The following ZFAT variants were observed in gnomAD, a reference collection of about 807,000 sequenced individuals.
ZFAT encodes zinc finger and AT-hook domain containing, also known as zinc finger protein ZFAT.
A neutral mutation model predicts 117.7 loss-of-function variants in ZFAT; 64 were observed. The ratio of observed to expected loss-of-function variants is 0.54; its 90% CI spans 0.44 to 0.67. The LOEUF is 0.67. ZFAT is among the 30% of genes least tolerant of loss of function. ZFAT has a pLI of 0.00. For synonymous variants in ZFAT, 679 were observed against 615.0 expected (o/e 1.10, Z -1.54); for missense variants, 1,433 against 1,584.5 (o/e 0.90, Z 1.62).
At chr8:134,632,211 T>C (rs1272575892) in intron 3 of ZFAT, among the ~76,000 whole-genome samples, 3 of 152,236 alleles carry the variant, frequency 2.0e-5, no homozygotes, top group African/African-American at 7.2e-5. Context: ...TTTATGATGA[T>C]CCACTTCCAC....
In ZFAT at chr8:134,478,224, C is replaced by G. The variant is rs1385202845; in HGVS notation, c.*258G>C. 1 of 536,590 alleles carries G rather than the reference C, an allele frequency of 1.9e-6. No individual in the cohort carries two copies. Among genetic ancestry groups the G allele is most frequent in the Non-Finnish European group, 3.3e-6 (1 of 298,868 alleles). The allele number at this position is 536,590 out of a possible 1,614,324, so 33.2% of individuals were successfully genotyped here. Reference sequence around the variant, plus strand: ...TGGGGTGTGTGTAGGGGAGCTGACACTGAAGTCTTTCAGGAAGCAGATGGT... The same window carrying G: ...TGGGGTGTGTGTAGGGGAGCTGACAGTGAAGTCTTTCAGGAAGCAGATGGT... On this transcript the variant is annotated 3_prime_UTR_variant, in exon 16 of 16. Coordinates refer to ENST00000377838, the MANE Select transcript of ZFAT (RefSeq NM_020863.4). The surrounding 1 kb of genome is among the most constrained non-coding windows in gnomAD (Gnocchi z 5.2).
At chr8:134,670,449 C>T (rs1832500956) in intron 1 of ZFAT, among the ~76,000 whole-genome samples, 2 of 152,254 alleles carry the variant, frequency 1.3e-5, no homozygotes, top group African/African-American at 4.8e-5. Context: ...TTAAGAAACT[C>T]AATCAAAATC....
intron 13 of ZFAT, among the ~76,000 whole-genome samples, chr8:134,517,817 A>G (rs914260460): frequency 1.3e-4 from 20 of 152,186 alleles, no homozygotes; most frequent in Non-Finnish European, 1.9e-4. Flanking sequence ...GATTTGTCCA[A>G]TGGTTTCTGA....
At chr8:134,583,681 T>A (rs1280740951) in intron 10 of ZFAT, 151 bp downstream of exon 10, 1 of 906,108 alleles carries the variant, frequency 1.1e-6, no homozygotes, top group East Asian at 2.6e-5. Context: ...TGGGAGGAAG[T>A]CAGGCCTGGT....
chr8:134,588,711 A>G (rs11166612), intron 8 of ZFAT, among the ~76,000 whole-genome samples: 60,325 of 152,136 alleles, frequency 0.4, 12,405 homozygotes, highest in Admixed American at 0.54. Context: ...AAAGCACAGC[A>G]GGACACTAGA....
At chr8:134,485,879 CG>C (rs1420284408) in intron 15 of ZFAT, among the ~76,000 whole-genome samples, 1 of 152,200 alleles carries the variant, frequency 6.6e-6, no homozygotes, top group Non-Finnish European at 1.5e-5. Context: ...TGCTGGAATA[CG>C]ATAAACACCA....
chr8:134,618,700 A>G (rs1318862261), intron 3 of ZFAT, among the ~76,000 whole-genome samples: 3 of 152,158 alleles, frequency 2.0e-5, no homozygotes, highest in Non-Finnish European at 4.4e-5. Flanking sequence ...CTATTTTCAA[A>G]TTTTCTTAAG....
chr8:134,755,594 C>A, the ZFAT span, among the ~76,000 whole-genome samples: 1 of 151,622 alleles, frequency 6.6e-6, no homozygotes, highest in Non-Finnish European at 1.5e-5. Context: ...AGCAGATCAC[C>A]TGAGGTCAGG....
intron 12 of ZFAT, 132 bp from the exon 13 acceptor site, chr8:134,521,133 G>A: frequency 3.4e-6 from 2 of 582,962 alleles, no homozygotes; most frequent in South Asian, 4.2e-5. Context: ...TTCAATTCAA[G>A]CTTACCTTAG....
chr8:134,756,477 C>A, the ZFAT span, among the ~76,000 whole-genome samples: 1 of 152,246 alleles, frequency 6.6e-6, no homozygotes, highest in African/African-American at 2.4e-5. Context: ...TCACTGCCCT[C>A]CCCGTTCTCC....
chr8:134,547,485 T>C (rs984279314), intron 11 of ZFAT, among the ~76,000 whole-genome samples: 1 of 152,198 alleles, frequency 6.6e-6, no homozygotes, highest in African/African-American at 2.4e-5. Flanking sequence ...CCTCAGGACC[T>C]GGCTCTGTAC....
At chr8:134,659,953 A>G (rs2131214812) in intron 1 of ZFAT, among the ~76,000 whole-genome samples, 1 of 152,360 alleles carries the variant, frequency 6.6e-6, no homozygotes, top group East Asian at 1.9e-4. Context: ...AAAATTTAAC[A>G]AAGCAGAACA....
At chr8:134,573,003 T>C (rs890861138) in intron 10 of ZFAT, among the ~76,000 whole-genome samples, 4 of 152,200 alleles carry the variant, frequency 2.6e-5, no homozygotes, top group Non-Finnish European at 4.4e-5. Flanking sequence ...AGAACACATA[T>C]TGTATGAATC....
At chr8:134,796,050 G>A in the ZFAT span, 1 of 152,248 alleles carries the variant, frequency 6.6e-6, no homozygotes, top group African/African-American at 2.4e-5. Context: ...TATTCCCAGA[G>A]GGTGGTGCAC....
chr8:134,685,871 C>A (rs541279019), intron 1 of ZFAT, among the ~76,000 whole-genome samples: 48 of 152,312 alleles, frequency 3.2e-4, no homozygotes, highest in African/African-American at 1.1e-3. Flanking sequence ...CCCCGTCACC[C>A]CACTTAACCT....
At chr8:134,626,844 G>T (rs1829549437) in intron 3 of ZFAT, among the ~76,000 whole-genome samples, 1 of 152,216 alleles carries the variant, frequency 6.6e-6, no homozygotes. Context: ...TCTGAACTAT[G>T]TAAAGTATAA....
chr8:134,775,942 G>T, the ZFAT span, among the ~76,000 whole-genome samples: 1 of 152,204 alleles, frequency 6.6e-6, no homozygotes, highest in African/African-American at 2.4e-5. Flanking sequence ...AAAAGGAAGT[G>T]AAAGGATCCA....
intron 12 of ZFAT, among the ~76,000 whole-genome samples, chr8:134,532,544 G>C (rs912440713): frequency 6.6e-6 from 1 of 152,202 alleles, no homozygotes; most frequent in African/African-American, 2.4e-5. Flanking sequence ...AAGAATGGAA[G>C]GCAATGCTGA....
At chr8:134,563,243 G>T (rs1026380001) in intron 11 of ZFAT, among the ~76,000 whole-genome samples, 7 of 152,232 alleles carry the variant, frequency 4.6e-5, no homozygotes, top group African/African-American at 7.2e-5. Context: ...GTCAGTACGG[G>T]TGGTTTTAAA....
Sources: allele counts gnomAD v4.1 joint callset (sites outside exome capture counted in the v4.1 genomes callset), GRCh38; gene constraint gnomAD v4.1.1; non-coding constraint Gnocchi (gnomAD v3.1); transcripts MANE v1.5; gene names NCBI Gene and HGNC (gene_info 2026-07-23, HGNC 2026-07-21).